ANKRD36: variants seen among roughly 807,000 people sequenced by gnomAD.
The protein encoded by ANKRD36 is ankyrin repeat domain 36.
ANKRD36 carries 179 observed loss-of-function variants against 278.1 expected under a neutral mutation model. That is an observed-to-expected ratio of 0.64 (90% CI 0.57 to 0.73). The LOEUF (loss-of-function observed/expected upper bound fraction) is 0.73. ANKRD36 is among the 30% of genes least tolerant of loss of function. The probability of loss-of-function intolerance (pLI) is 0.00; values close to 1 mark genes in which losing one functional copy is unlikely to be tolerated. For synonymous variants in ANKRD36, 320 were observed against 641.1 expected (o/e 0.50, Z 7.57); for missense variants, 1,159 against 1,956.7 (o/e 0.59, Z 7.69).
intron 75 of ANKRD36, among the ~76,000 whole-genome samples, chr2:97,263,377 A>G (rs1265777588): frequency 9.0e-6 from 1 of 110,784 alleles, no homozygotes; most frequent in African/African-American, 4.5e-5. Flanking sequence ...GTGGCATCTC[A>G]TGGTTGCATT....
chr2:97,118,622 T>C, intron 3 of ANKRD36, 105 bp downstream of exon 3: 1 of 927,812 alleles, frequency 1.1e-6, no homozygotes, highest in Non-Finnish European at 1.5e-6. Context: ...AAACATTCCT[T>C]GAATGAAAAT....
intron 6 of ANKRD36, among the ~76,000 whole-genome samples, chr2:97,131,577 A>G (rs1413489508): frequency 6.6e-6 from 1 of 152,092 alleles, no homozygotes; most frequent in Non-Finnish European, 1.5e-5. Context: ...TGGGAGCCGA[A>G]GTGGATAACT....
rs544650708 is a variant in ANKRD36 at position 97,191,512 on chromosome 2, T to C, written c.2347+331T>C. Reference sequence around the variant, plus strand: ...GGTGGAAGGAGAAAGAGAGGAAGTATAGATTTTACAAACGTCACATCGTAC... The same window carrying C: ...GGTGGAAGGAGAAAGAGAGGAAGTACAGATTTTACAAACGTCACATCGTAC... On this transcript the variant is annotated intron_variant, in intron 36 of 75. Transcript: ENST00000420699. Among the ~76,000 whole-genome samples the C allele has an allele frequency of 1.9e-4, 29 of 151,784 alleles. 1 individual carries two copies. Among genetic ancestry groups the C allele is most frequent in the Admixed American group, 7.3e-4 (11 of 15,152 alleles).
intron 36 of ANKRD36, among the ~76,000 whole-genome samples, chr2:97,191,659 G>A (rs1478705657): frequency 6.6e-6 from 1 of 151,596 alleles, no homozygotes; most frequent in Admixed American, 6.6e-5. Context: ...CAGGAAGGTG[G>A]GAAAAGAGGA....
At chr2:97,137,954 G>A (rs1010855378) in intron 6 of ANKRD36, among the ~76,000 whole-genome samples, 4 of 151,966 alleles carry the variant, frequency 2.6e-5, no homozygotes, top group Non-Finnish European at 4.4e-5. Context: ...TGATGAGATC[G>A]TTTGTTTTCT....
At chr2:97,226,409 T>C (rs1269526235) in intron 67 of ANKRD36, among the ~76,000 whole-genome samples, 3 of 151,264 alleles carry the variant, frequency 2.0e-5, no homozygotes. Context: ...GTTTTTTGGC[T>C]GCATAAATGT....
At chr2:97,185,694 A>G (rs577933638) in intron 30 of ANKRD36, among the ~76,000 whole-genome samples, 184 bp downstream of exon 30, 54 of 151,882 alleles carry the variant, frequency 3.6e-4, no homozygotes, top group African/African-American at 1.2e-3. Flanking sequence ...TGATCTTCGC[A>G]GTAAGATTAT....
chr2:97,231,592 G>A (rs1216306063), intron 67 of ANKRD36, among the ~76,000 whole-genome samples: 1 of 152,122 alleles, frequency 6.6e-6, no homozygotes, highest in Non-Finnish European at 1.5e-5. Flanking sequence ...CTTCCTGAGT[G>A]AGGCAATGCC....
In ANKRD36 at chr2:97,113,836, C is replaced by G; in HGVS notation, c.97C>G (p.Leu33Val). 1 of 1,613,144 alleles carries G rather than the reference C, an allele frequency of 6.2e-7. No individual in the cohort carries two copies. Among genetic ancestry groups the G allele is most frequent in the Non-Finnish European group, 8.5e-7 (1 of 1,180,010 alleles). ...CCAATACCCCATTAAACCGTATCATCTGAAGAGGATCCACAGAGCTGTCTT... is the reference window on the plus strand; with the variant it reads ...CCAATACCCCATTAAACCGTATCATGTGAAGAGGATCCACAGAGCTGTCTT... ...FPQYPIKPYHLKRIHRAVLHG... is the reference protein window; with the variant it reads ...FPQYPIKPYHVKRIHRAVLHG... The change falls in exon 1 of 76, where the codon CTG becomes GTG. Residue 33 changes from leucine (L) to valine (V), a missense_variant. By Grantham distance (32) the Leu-to-Val change is conservative. Coordinates refer to ENST00000420699, the MANE Select transcript of ANKRD36 (RefSeq NM_001354587.1).
At chr2:97,216,276 T>G (rs1260212557) in intron 62 of ANKRD36, among the ~76,000 whole-genome samples, 1 of 151,854 alleles carries the variant, frequency 6.6e-6, no homozygotes, top group South Asian at 2.1e-4. Flanking sequence ...TTGGGTAAAA[T>G]AGCTATTGGA....
chr2:97,154,999 A>T (rs1163240872), intron 15 of ANKRD36, among the ~76,000 whole-genome samples: 3 of 143,074 alleles, frequency 2.1e-5, no homozygotes, highest in Non-Finnish European at 4.7e-5. Context: ...ATACATAGTG[A>T]CAGGAAAATA....
intron 17 of ANKRD36, among the ~76,000 whole-genome samples, chr2:97,161,356 G>A (rs1044347499): frequency 6.6e-6 from 1 of 152,232 alleles, no homozygotes; most frequent in African/African-American, 2.4e-5. Flanking sequence ...CCAATCCAGT[G>A]ACTCACCAAA....
chr2:97,195,832 CTTA>C (rs771272536), intron 40 of ANKRD36, among the ~76,000 whole-genome samples: 2 of 151,882 alleles, frequency 1.3e-5, no homozygotes, highest in East Asian at 1.9e-4. Flanking sequence ...GAATGTAAAA[CTTA>C]TTATTATCTA....
chr2:97,205,726 C>T (rs949465015), intron 50 of ANKRD36, among the ~76,000 whole-genome samples: 31 of 151,430 alleles, frequency 2.0e-4, no homozygotes, highest in African/African-American at 6.5e-4. Context: ...AATCTTACCA[C>T]GTTTGAAATT....
intron 42 of ANKRD36, among the ~76,000 whole-genome samples, chr2:97,197,913 A>G (rs2060235293): frequency 6.6e-6 from 1 of 151,908 alleles, no homozygotes. Context: ...TATCTACTAG[A>G]TATCTGCAAA....
chr2:97,227,417 G>C (rs2070200406), intron 67 of ANKRD36, among the ~76,000 whole-genome samples: 1 of 152,170 alleles, frequency 6.6e-6, no homozygotes, highest in Non-Finnish European at 1.5e-5. Context: ...TCATGATTTG[G>C]CTCTCTGTTT....
intron 58 of ANKRD36, 125 bp downstream of exon 58, chr2:97,211,866 C>T (rs1445834881): frequency 3.3e-5 from 42 of 1,254,992 alleles, no homozygotes; most frequent in Non-Finnish European, 4.3e-5. Context: ...TGAGATTATT[C>T]ATTTGTAATA....
rs1413185850 is a variant in ANKRD36, at chr2:97,122,887, T to C, written c.487T>C (p.Cys163Arg). 3.3e-6 allele frequency: 5 copies of C among 1,537,788 alleles called. No individual in the cohort carries two copies. Among genetic ancestry groups the C allele is most frequent in the East Asian group, 4.9e-5 (2 of 40,516 alleles). The change falls in exon 4 of 76, where the codon TGT becomes CGT. Residue 163 changes from cysteine to arginine, a missense_variant and splice_region_variant. Coordinates refer to ENST00000420699, the MANE Select transcript of ANKRD36 (RefSeq NM_001354587.1). ...HGTNIEECSK[C>R]EYQPLLFAVS... ...ATAAATTGTTGCTGTTATTTTACAG[T>C]GTGAATATCAGCCACTGTTATTTGC...
In ANKRD36 at chr2:97,201,685, G is replaced by C. The variant is rs143600345; in HGVS notation, c.2858-517G>C. Among the ~76,000 whole-genome samples the C allele has an allele frequency of 2.6e-5, 4 of 152,028 alleles. No homozygotes were observed. The East Asian group carries it at 7.8e-4, about 30-fold the overall frequency. ...AGAGGTATCCAAGGTGATCAATGTA[G>C]GACACTTCCACGGAAGAGATGTGAA... On this transcript the variant is annotated intron_variant, in intron 46 of 75. Transcript: ENST00000420699.
Sources: allele counts gnomAD v4.1 joint callset (sites outside exome capture counted in the v4.1 genomes callset), GRCh38; gene constraint gnomAD v4.1.1; transcripts MANE v1.5; gene names NCBI Gene and HGNC (gene_info 2026-07-23, HGNC 2026-07-21).